MAST2: variants seen among roughly 807,000 people sequenced by gnomAD.
MAST2 encodes the protein microtubule-associated serine/threonine-protein kinase 2.
MAST2 carries 70 observed loss-of-function variants against 147.4 expected under a neutral mutation model. That is an observed-to-expected ratio of 0.47 (90% CI 0.39 to 0.58). The LOEUF (loss-of-function observed/expected upper bound fraction) is 0.58. Ranked by LOEUF, MAST2 falls within the 20% of genes least tolerant of loss-of-function variation. The pLI, the probability that MAST2 is intolerant of heterozygous loss-of-function variation, is 0.00. For missense variants in MAST2, 2,080 were observed against 2,302.3 expected (o/e 0.90, Z 1.98); for synonymous variants, 869 against 896.8 (o/e 0.97, Z 0.55).
chr1:46,030,318 G>A (rs1167506839), intron 21 of MAST2, 80 bp downstream of exon 21: 11 of 1,399,794 alleles, frequency 7.9e-6, no homozygotes, highest in Non-Finnish European at 1.1e-5. Context: ...CACACCTGGG[G>A]CAGGCTCAGG....
intron 4 of MAST2, among the ~76,000 whole-genome samples, chr1:45,956,985 T>G (rs2148895087): frequency 6.6e-6 from 1 of 152,364 alleles, no homozygotes; most frequent in Middle Eastern, 3.4e-3. Flanking sequence ...TGTGGGATGA[T>G]TGACTTGGAA....
intron 4 of MAST2, among the ~76,000 whole-genome samples, chr1:45,938,074 A>G (rs1036657248): frequency 6.6e-6 from 1 of 152,072 alleles, no homozygotes; most frequent in African/African-American, 2.4e-5. Context: ...GGTTTCTTTC[A>G]CTTAACATAA....
At chr1:46,012,725 T>C (rs1246912521) in intron 10 of MAST2, among the ~76,000 whole-genome samples, 6 of 152,018 alleles carry the variant, frequency 3.9e-5, no homozygotes, top group African/African-American at 1.4e-4. Flanking sequence ...TTGGGCACAG[T>C]GGCTCATGCC....
intron 5 of MAST2, among the ~76,000 whole-genome samples, chr1:45,980,998 A>ATAT (rs1553252038): frequency 6.6e-6 from 1 of 152,186 alleles, no homozygotes; most frequent in Non-Finnish European, 1.5e-5. Context: ...GAGCTGGCCA[A>ATAT]ACAGGAGACT....
intron 4 of MAST2, among the ~76,000 whole-genome samples, chr1:45,931,389 T>TTTG (rs1655282555): frequency 6.7e-6 from 1 of 148,300 alleles, no homozygotes; most frequent in Admixed American, 6.7e-5. Context: ...TTTTTTTTTT[T>TTTG]TTTTTTTTTT....
chr1:45,970,547 A>C (rs1643874037), intron 5 of MAST2, among the ~76,000 whole-genome samples: 1 of 151,564 alleles, frequency 6.6e-6, no homozygotes, highest in Non-Finnish European at 1.5e-5. Context: ...AGCTGCCTGT[A>C]GTCCCAGCTA....
rs1352713299 is a variant in MAST2, at chr1:46,036,072, G to A, written c.*6G>A. ...AGCTTTTAAAGCAAACATAGCAGTT[G>A]TTTGCCATTTCTTGCACTCAGACCT... is the stretch of plus-strand genomic sequence containing the variant. On this transcript the variant is annotated 3_prime_UTR_variant, in exon 29 of 29. Coordinates refer to ENST00000361297, the MANE Select transcript of MAST2 (RefSeq NM_015112.3). 1.9e-6 allele frequency: 3 copies of A among 1,594,286 alleles called. No homozygotes were observed. Among genetic ancestry groups the A allele is most frequent in the Middle Eastern group, 3.4e-4 (2 of 5,950 alleles).
At position 46,032,686 on chromosome 1, in the gene MAST2, G is replaced by A. The variant is rs1026167306; in HGVS notation, c.3505G>A (p.Val1169Met). ...CAATGGGGAACCTGTGCATGGCCTGGTGCACACGGAGGTGGTAGAGCTGAT... is the reference window on the plus strand; with the variant it reads ...CAATGGGGAACCTGTGCATGGCCTGATGCACACGGAGGTGGTAGAGCTGAT... Reference protein sequence around the residue: ...HVNGEPVHGLVHTEVVELILK... With the variant: ...HVNGEPVHGLMHTEVVELILK... Residue 1169 changes from valine (V) to methionine (M), a missense_variant, in exon 26 of 29, where the codon GTG becomes ATG. By Grantham distance (21) the Val-to-Met change is conservative. Coordinates refer to ENST00000361297, the MANE Select transcript of MAST2 (RefSeq NM_015112.3). The A allele has an allele frequency of 6.2e-7, 1 of 1,614,142 alleles. No individual in the cohort carries two copies.
chr1:45,864,643 G>T (rs1209636352), intron 3 of MAST2, among the ~76,000 whole-genome samples: 1 of 152,170 alleles, frequency 6.6e-6, no homozygotes, highest in Non-Finnish European at 1.5e-5. Context: ...AAAAACGTAT[G>T]TGGAGTGGTT....
chr1:45,964,485 T>C (rs1660886512), intron 5 of MAST2, among the ~76,000 whole-genome samples: 1 of 152,218 alleles, frequency 6.6e-6, no homozygotes, highest in South Asian at 2.1e-4. Flanking sequence ...TTCTTCTAGA[T>C]TTTCTAGTTC....
chr1:45,826,518 A>G (rs983148936), intron 2 of MAST2, among the ~76,000 whole-genome samples: 4 of 151,944 alleles, frequency 2.6e-5, no homozygotes, highest in Non-Finnish European at 4.4e-5. Context: ...ACACCCAGCT[A>G]ATTTTTGTAT....
intron 3 of MAST2, among the ~76,000 whole-genome samples, chr1:45,859,696 GATA>G (rs1421003818): frequency 6.6e-6 from 1 of 152,178 alleles, no homozygotes; most frequent in Non-Finnish European, 1.5e-5. Context: ...TTCACTTACT[GATA>G]AATAAAAGGA....
intron 5 of MAST2, among the ~76,000 whole-genome samples, chr1:45,969,471 C>T (rs1643816995): frequency 6.6e-6 from 1 of 152,168 alleles, no homozygotes; most frequent in Non-Finnish European, 1.5e-5. Context: ...TTTACAGCCG[C>T]TCCTTATCAC....
chr1:45,854,477 G>A (rs1379526127), intron 3 of MAST2, among the ~76,000 whole-genome samples: 1 of 152,060 alleles, frequency 6.6e-6, no homozygotes, highest in Non-Finnish European at 1.5e-5. Context: ...TCTTAACATT[G>A]GGTAGAGTGA....
intron 3 of MAST2, among the ~76,000 whole-genome samples, chr1:45,835,510 G>A (rs6673894): frequency 0.8 from 121,193 of 152,106 alleles, 48,756 homozygotes; most frequent in East Asian, 0.98. Flanking sequence ...AACAAAAGAT[G>A]TGATATTCTG....
chr1:46,034,862 G>A lies in MAST2; in HGVS notation c.4193G>A (p.Arg1398His), dbSNP rs200033050. ...CGGCCCAAGAGTGCGGAGCCACCCC[G>A]TTCACCACTACTCAAGAGGGTGCAG... is the stretch of plus-strand genomic sequence containing the variant. ...LSRPKSAEPPRSPLLKRVQSA... is the reference protein window; with the variant it reads ...LSRPKSAEPPHSPLLKRVQSA... The change falls in exon 29 of 29, where the codon CGT becomes CAT. Residue 1398 changes from arginine to histidine, a missense_variant. By Grantham distance (29) the Arg-to-His change is conservative. Transcript: ENST00000361297. The A allele has an allele frequency of 3.0e-5, 49 of 1,614,186 alleles. No individual in the cohort carries two copies. Among genetic ancestry groups the A allele is most frequent in the East Asian group, 6.7e-5 (3 of 44,890 alleles).
intron 3 of MAST2, among the ~76,000 whole-genome samples, chr1:45,868,087 T>C (rs187709796): frequency 6.6e-6 from 1 of 152,338 alleles, no homozygotes; most frequent in East Asian, 1.9e-4. Flanking sequence ...CATCTTTTCT[T>C]TACACTGGAG....
chr1:45,870,812 C>A (rs1370729272), intron 3 of MAST2, among the ~76,000 whole-genome samples: 2 of 151,628 alleles, frequency 1.3e-5, no homozygotes, highest in African/African-American at 4.8e-5. Flanking sequence ...ACCTGTAGTT[C>A]CAGCTATTTG....
At chr1:45,900,288 G>C (rs1018472184) in intron 4 of MAST2, among the ~76,000 whole-genome samples, 2 of 150,624 alleles carry the variant, frequency 1.3e-5, no homozygotes, top group African/African-American at 4.9e-5. Context: ...ACTATTTTCT[G>C]TAGGGGTTGA....
Sources: allele counts gnomAD v4.1 joint callset (sites outside exome capture counted in the v4.1 genomes callset), GRCh38; gene constraint gnomAD v4.1.1; transcripts MANE v1.5; gene names NCBI Gene and HGNC (gene_info 2026-07-23, HGNC 2026-07-21).